Variants in MPDZ observed in about 807,000 individuals in gnomAD.
The protein encoded by MPDZ is multiple PDZ domain crumbs cell polarity complex component.
A neutral mutation model predicts 239.1 loss-of-function variants in MPDZ; 234 were observed. That is an observed-to-expected ratio of 0.98 (90% CI 0.88 to 1.09). The LOEUF is 1.09. Among genes scored for constraint, MPDZ ranks in the 50% least tolerant of loss-of-function variants. MPDZ has a pLI of 0.00. For synonymous variants in MPDZ, 1,048 were observed against 881.3 expected (o/e 1.19, Z -3.35); for missense variants, 3,175 against 2,510.0 (o/e 1.26, Z -5.66).
intron 8 of MPDZ, 131 bp downstream of exon 8, chr9:13,219,428 C>A (rs1327813394): frequency 2.6e-6 from 2 of 771,502 alleles, no homozygotes; most frequent in East Asian, 5.4e-5. Context: ...AGCATCCCTA[C>A]ATTTGAATTT....
rs940179324 is a variant in MPDZ at position 13,107,251 on chromosome 9, C to A, written c.6067-140G>T. 57 of 859,734 alleles carry A rather than the reference C, an allele frequency of 6.6e-5. 1 individual carries two copies. In the Middle Eastern group the frequency reaches 9.8e-4, roughly 15 times the overall value. 53.3% of individuals were successfully genotyped at this position (859,734 alleles called of 1,614,324 possible). A position where few individuals can be genotyped will look rare whatever the true frequency, so the allele number is the denominator to read the frequency against. On this transcript the variant is annotated intron_variant, in intron 46 of 46. Transcript: ENST00000319217. ...CCCAGTGCTCCATGGGTGCTCTAAG[C>A]CATTAAGCAATGATGAACATAGACA...
At chr9:13,137,911 C>T (rs1405499767) in intron 29 of MPDZ, 46 bp downstream of exon 29, 2 of 1,576,600 alleles carry the variant, frequency 1.3e-6, no homozygotes, top group Non-Finnish European at 8.7e-7. Flanking sequence ...AGTTCCATTA[C>T]CCTTATAAAA....
intron 28 of MPDZ, among the ~76,000 whole-genome samples, chr9:13,139,144 T>A (rs1413553227): frequency 6.6e-6 from 1 of 152,174 alleles, no homozygotes; most frequent in Non-Finnish European, 1.5e-5. Context: ...GCATTCTACA[T>A]TGATTCTTAA....
intron 10 of MPDZ, among the ~76,000 whole-genome samples, chr9:13,211,387 T>C (rs761290682): frequency 6.6e-5 from 10 of 152,044 alleles, no homozygotes; most frequent in Non-Finnish European, 1.2e-4. Context: ...AGTCAAAATA[T>C]AAGAAGTCAA....
chr9:13,212,090 A>T (rs1314363184), intron 10 of MPDZ, among the ~76,000 whole-genome samples: 1 of 152,118 alleles, frequency 6.6e-6, no homozygotes, highest in African/African-American at 2.4e-5. Flanking sequence ...TTATTGTTCA[A>T]TTCTATCTAA....
rs184648603 is a variant in MPDZ at position 13,243,719 on chromosome 9, G to C, written c.183+3916C>G. On this transcript the variant is annotated intron_variant, in intron 3 of 46. Coordinates refer to ENST00000319217, the MANE Select transcript of MPDZ (RefSeq NM_001378778.1). ...CATCTCTACAGTTATTTCAAGAGTTGTCATAAAATTTCCAAAGAAAAGTCT... is the reference window on the plus strand; with the variant it reads ...CATCTCTACAGTTATTTCAAGAGTTCTCATAAAATTTCCAAAGAAAAGTCT... Among the ~76,000 whole-genome samples, 8 of 152,250 alleles carry C rather than the reference G, an allele frequency of 5.3e-5. No individual in the cohort carries two copies. In the East Asian group the frequency reaches 1.5e-3, roughly 29 times the overall value.
At chr9:13,126,867 C>A in intron 32 of MPDZ, 95 bp from the exon 33 acceptor site, 2 of 994,878 alleles carry the variant, frequency 2.0e-6, no homozygotes, top group East Asian at 2.4e-5. Context: ...TAAAACTCTT[C>A]TGAAGTCCAG....
intron 1 of MPDZ, among the ~76,000 whole-genome samples, chr9:13,268,046 GGAA>G (rs1564168983): frequency 6.6e-6 from 1 of 152,004 alleles, no homozygotes; most frequent in South Asian, 2.1e-4. Flanking sequence ...TTTGGAAATG[GGAA>G]GAAGCATGGA....
intron 10 of MPDZ, among the ~76,000 whole-genome samples, chr9:13,209,991 G>A (rs1389228317): frequency 6.7e-6 from 1 of 148,224 alleles, no homozygotes; most frequent in African/African-American, 2.5e-5. Context: ...AAAAATCAAA[G>A]AAAGGATTAG....
In MPDZ at chr9:13,107,030, G is replaced by T; in HGVS notation, c.6148C>A (p.His2050Asn). ...VNGQSLEGVT[H>N]EEAVAILKRT... ...TTAAGGATGGCAACAGCTTCTTCAT[G>T]GGTGACTCCTTCTAGACTCTGCCCA... The change falls in exon 47 of 47, where the codon CAT becomes AAT. Residue 2050 changes from histidine to asparagine, a missense_variant. Transcript: ENST00000319217. The T allele has an allele frequency of 6.2e-7, 1 of 1,613,248 alleles. No homozygotes were observed. The highest frequency in any genetic ancestry group is 1.1e-5 in the South Asian group (1 of 91,012).
At position 13,192,226 on chromosome 9, in the gene MPDZ, C is replaced by T. The variant is rs534459463; in HGVS notation, c.1873G>A (p.Glu625Lys). The T allele has an allele frequency of 6.4e-5, 103 of 1,608,912 alleles. 1 individual carries two copies. In the South Asian group the frequency reaches 1.0e-3, roughly 16 times the overall value. Residue 625 changes from glutamate to lysine, a missense_variant, in exon 15 of 47, where the codon GAA becomes AAA. Transcript: ENST00000319217. ...VVNILKELPI[E>K]VTMVCCRRTV... ...CGACGACAGCACACCATTGTCACTT[C>T]TATAGGCAGTTCTTTTAAGATATTC...
intron 1 of MPDZ, among the ~76,000 whole-genome samples, chr9:13,267,863 C>T (rs750065550): frequency 5.9e-5 from 9 of 152,128 alleles, no homozygotes; most frequent in African/African-American, 9.7e-5. Context: ...AGGTTACAGA[C>T]GCACAGGAAG....
intron 10 of MPDZ, among the ~76,000 whole-genome samples, chr9:13,215,945 GTTT>G (rs71331531): frequency 0.17 from 14,309 of 82,430 alleles, 776 homozygotes; most frequent in East Asian, 0.36. Flanking sequence ...TCAGCAATTT[GTTT>G]TTTTTTTTTT....
chr9:13,279,360 C>T (rs1975135509), intron 1 of MPDZ, 40 bp downstream of exon 1: 2 of 143,788 alleles, frequency 1.4e-5, no homozygotes, highest in South Asian at 4.3e-4. Flanking sequence ...GGCGCGGGGG[C>T]GCGCCTCGGC....
intron 1 of MPDZ, 136 bp from the exon 2 acceptor site, chr9:13,250,508 G>A (rs552495066): frequency 1.4e-5 from 7 of 491,366 alleles, no homozygotes; most frequent in East Asian, 6.1e-5. Flanking sequence ...AAGATAGTTC[G>A]CTTTACAGAC....
Position 13,138,159 on chromosome 9 carries a change from T to TACA in MPDZ, c.4004-9_4004-7dup, listed in dbSNP as rs761167445. The TACA allele has an allele frequency of 3.8e-6, 6 of 1,561,424 alleles. No homozygotes were observed. Among genetic ancestry groups the TACA allele is most frequent in the African/African-American group, 2.7e-5 (2 of 73,036 alleles). Reference sequence around the variant, plus strand: ...ATAACGCTCTCTGATATTTTCTACATACAACAACAACAACAAATACATATT... The same window carrying TACA: ...ATAACGCTCTCTGATATTTTCTACATACAACAACAACAACAACAAATACATATT... On this transcript the variant is annotated splice_region_variant and splice_polypyrimidine_tract_variant and intron_variant, in intron 28 of 46. Transcript: ENST00000319217.
In MPDZ at chr9:13,253,916, C is replaced by T. The variant is rs544559265; in HGVS notation, c.-57-3544G>A. Reference sequence around the variant, plus strand: ...TCCTTTAATACTTACACAATCCACTCACTTTATAACAAGGAAAATGAGGTA... The same window carrying T: ...TCCTTTAATACTTACACAATCCACTTACTTTATAACAAGGAAAATGAGGTA... On this transcript the variant is annotated intron_variant, in intron 1 of 46. Coordinates refer to ENST00000319217, the MANE Select transcript of MPDZ (RefSeq NM_001378778.1). Among the ~76,000 whole-genome samples, 21 of 152,314 alleles carry T rather than the reference C, an allele frequency of 1.4e-4. No homozygotes were observed. The South Asian group carries it at 3.3e-3, about 24-fold the overall frequency.
intron 10 of MPDZ, among the ~76,000 whole-genome samples, chr9:13,212,816 A>G (rs72706373): frequency 0.042 from 6,165 of 145,174 alleles, 180 homozygotes; most frequent in Middle Eastern, 0.14. Context: ...AAAAAAAAAG[A>G]AGAGAGCCAA....
At chr9:13,249,007 A>AAAAAAAAAT (rs1345543094) in intron 2 of MPDZ, among the ~76,000 whole-genome samples, 2 of 127,748 alleles carry the variant, frequency 1.6e-5, no homozygotes, top group African/African-American at 3.0e-5. Context: ...AAAAAAAAAA[A>AAAAAAAAAT]AATTGGAATC....
Sources: gnomAD v4.1 joint callset for allele counts (sites outside exome capture counted in the v4.1 genomes callset) on GRCh38, gnomAD v4.1.1 for gene constraint, MANE v1.5 for transcripts, NCBI Gene and HGNC (gene_info 2026-07-23, HGNC 2026-07-21) for gene names.